The following TUSC3 variants were observed in gnomAD, a reference collection of about 807,000 sequenced individuals.
The protein encoded by TUSC3 is tumor suppressor candidate 3.
A neutral mutation model predicts 44.8 loss-of-function variants in TUSC3; 45 were observed. That is an observed-to-expected ratio of 1.00 (90% CI 0.79 to 1.29). The LOEUF (loss-of-function observed/expected upper bound fraction) is 1.29, where lower values mean the gene tolerates loss of function less well. Among genes scored for constraint, TUSC3 ranks in the 50% most tolerant of loss-of-function variants. TUSC3 has a pLI of 0.00. For synonymous variants in TUSC3, 212 were observed against 152.9 expected, an observed-to-expected ratio of 1.39 and a Z score of -2.85; for missense variants, 519 against 437.9, an observed-to-expected ratio of 1.19 and a Z score of -1.65.
At chr8:15,758,800 C>G (rs1812045311) in intron 10 of TUSC3, among the ~76,000 whole-genome samples, 1 of 152,120 alleles carries the variant, frequency 6.6e-6, no homozygotes, top group South Asian at 2.1e-4. Context: ...TCTGTGGAGG[C>G]TGTGTAGAAA....
At chr8:15,621,033 C>T (rs1386497168) in intron 1 of TUSC3, among the ~76,000 whole-genome samples, 1 of 151,766 alleles carries the variant, frequency 6.6e-6, no homozygotes, top group Non-Finnish European at 1.5e-5. Flanking sequence ...ATGAGAAAAG[C>T]ATAAAATACT....
At chr8:15,448,367 C>G (rs949694454) in intron 1 of TUSC3, among the ~76,000 whole-genome samples, 1 of 151,970 alleles carries the variant, frequency 6.6e-6, no homozygotes, top group South Asian at 2.1e-4. Context: ...AATCCACCCG[C>G]CTTGGCCTCC....
At chr8:15,633,925 A>T (rs2129169013) in intron 2 of TUSC3, among the ~76,000 whole-genome samples, 1 of 152,232 alleles carries the variant, frequency 6.6e-6, no homozygotes, top group South Asian at 2.1e-4. Context: ...TCTCACCATA[A>T]ACAAAACATC....
intron 6 of TUSC3, among the ~76,000 whole-genome samples, chr8:15,690,263 G>C (rs981614251): frequency 6.6e-6 from 1 of 152,036 alleles, no homozygotes; most frequent in African/African-American, 2.4e-5. Context: ...AATGATTAAC[G>C]CTGTTGAGCA....
chr8:15,464,628 A>G (rs1361618001), intron 1 of TUSC3, among the ~76,000 whole-genome samples: 2 of 152,212 alleles, frequency 1.3e-5, no homozygotes, highest in Non-Finnish European at 2.9e-5. Context: ...TTACCTCAGT[A>G]TATCAGTTAG....
chr8:15,506,848 C>A (rs1168443474), intron 2 of TUSC3, among the ~76,000 whole-genome samples: 1 of 152,140 alleles, frequency 6.6e-6, no homozygotes, highest in African/African-American at 2.4e-5. Flanking sequence ...TGCCCCTTAC[C>A]CGGAAGGAAG....
At chr8:15,532,199 C>G (rs1045451184) in intron 2 of TUSC3, among the ~76,000 whole-genome samples, 1 of 152,040 alleles carries the variant, frequency 6.6e-6, no homozygotes, top group Non-Finnish European at 1.5e-5. Context: ...GTTTCTGTTC[C>G]TCTGCCTTTC....
the TUSC3 span, among the ~76,000 whole-genome samples, chr8:15,792,710 G>A: frequency 4.6e-5 from 7 of 151,998 alleles, no homozygotes; most frequent in African/African-American, 1.7e-4. Flanking sequence ...CTGCCTCCTG[G>A]GTTCAAGTGA....
intron 2 of TUSC3, among the ~76,000 whole-genome samples, chr8:15,525,858 T>A (rs1039082340): frequency 6.6e-6 from 1 of 151,920 alleles, no homozygotes; most frequent in African/African-American, 2.4e-5. Context: ...TAGGCCGTAA[T>A]GGGGGAAAAA....
chr8:15,725,481 C>G (rs557537739), intron 6 of TUSC3, among the ~76,000 whole-genome samples: 6 of 152,246 alleles, frequency 3.9e-5, no homozygotes, highest in African/African-American at 1.4e-4. Flanking sequence ...GAATTTAACT[C>G]AGATATAGTT....
At chr8:15,749,646 T>TCTTGA (rs1295877513) in intron 9 of TUSC3, among the ~76,000 whole-genome samples, 1 of 150,552 alleles carries the variant, frequency 6.6e-6, no homozygotes, top group Non-Finnish European at 1.5e-5. Context: ...TTCATTTTAC[T>TCTTGA]CTTGACTTTA....
At chr8:15,786,273 T>G in the TUSC3 span, among the ~76,000 whole-genome samples, 2 of 152,196 alleles carry the variant, frequency 1.3e-5, no homozygotes, top group Non-Finnish European at 2.9e-5. Context: ...CATCTGACAC[T>G]ATCTCAATGA....
chr8:15,495,974 A>G (rs1175150799), intron 2 of TUSC3, among the ~76,000 whole-genome samples: 4 of 152,080 alleles, frequency 2.6e-5, no homozygotes, highest in Non-Finnish European at 5.9e-5. Flanking sequence ...AAAATATTGC[A>G]CCTACCTGAT....
At chr8:15,475,067 C>T (rs976997125) in intron 1 of TUSC3, among the ~76,000 whole-genome samples, 16 of 152,068 alleles carry the variant, frequency 1.1e-4, no homozygotes, top group South Asian at 2.1e-4. Context: ...TATTTATAGG[C>T]GCCCCCTTTA....
At chr8:15,540,951 C>T (rs1801667635) in intron 1 of TUSC3, among the ~76,000 whole-genome samples, 1 of 152,220 alleles carries the variant, frequency 6.6e-6, no homozygotes, top group East Asian at 1.9e-4. Flanking sequence ...TATTTTCTTA[C>T]TCTGCTCCCT....
chr8:15,465,420 T>C (rs1435346596), intron 1 of TUSC3, among the ~76,000 whole-genome samples: 1 of 152,182 alleles, frequency 6.6e-6, no homozygotes, highest in African/African-American at 2.4e-5. Context: ...AAACCACCAA[T>C]GTGGTCCACA....
the TUSC3 span, among the ~76,000 whole-genome samples, chr8:15,832,794 A>C: frequency 9.9e-5 from 15 of 152,166 alleles, no homozygotes; most frequent in African/African-American, 2.9e-4. Flanking sequence ...AAGTTCTTAG[A>C]GACCTTTAAA....
chr8:15,843,619 T>TACAC, the TUSC3 span, among the ~76,000 whole-genome samples: 77 of 142,986 alleles, frequency 5.4e-4, 1 homozygote, highest in East Asian at 5.9e-3. Context: ...TATATATATA[T>TACAC]ATACACGCAC....
chr8:15,628,349 G>A (rs926762159), intron 2 of TUSC3, among the ~76,000 whole-genome samples: 1 of 151,968 alleles, frequency 6.6e-6, no homozygotes, highest in Non-Finnish European at 1.5e-5. Context: ...TTTACTTAAT[G>A]CATTTTGGTG....
Sources: gnomAD v4.1 joint callset for allele counts (sites outside exome capture counted in the v4.1 genomes callset) on GRCh38, gnomAD v4.1.1 for gene constraint, MANE v1.5 for transcripts, NCBI Gene and HGNC (gene_info 2026-07-23, HGNC 2026-07-21) for gene names.